Variants in FSTL5 observed in about 807,000 individuals in gnomAD.
FSTL5 encodes follistatin-related protein 5.
Under a neutral mutation model 89.1 loss-of-function variants are expected in FSTL5, and 62 were observed. The observed-to-expected ratio is 0.70, with a 90% confidence interval of 0.57 to 0.86. The LOEUF (loss-of-function observed/expected upper bound fraction) is 0.86. FSTL5 is among the 40% of genes least tolerant of loss of function. The pLI, the probability that FSTL5 is intolerant of heterozygous loss-of-function variation, is 0.00. For synonymous variants in FSTL5, 383 were observed against 346.2 expected (o/e 1.11, Z -1.18); for missense variants, 1,057 against 1,001.6 (o/e 1.06, Z -0.75).
chr4:161,671,618 A>T (rs1445134826), intron 6 of FSTL5, among the ~76,000 whole-genome samples: 2 of 152,160 alleles, frequency 1.3e-5, no homozygotes, highest in African/African-American at 2.4e-5. Flanking sequence ...TAAACCTAAG[A>T]TAATTAGAGA....
intron 4 of FSTL5, among the ~76,000 whole-genome samples, chr4:161,793,631 T>C (rs1199414729): frequency 1.3e-5 from 2 of 150,390 alleles, no homozygotes; most frequent in Non-Finnish European, 3.0e-5. Context: ...TTTTCTGAGA[T>C]GGAGTCTCAC....
At position 161,557,050 on chromosome 4, in the gene FSTL5, C is replaced by T. The variant is rs114587948; in HGVS notation, c.1016-14357G>A. On this transcript the variant is annotated intron_variant, in intron 8 of 15. Transcript: ENST00000306100. ...TGTACTTGGAAGTTCTCATGTAATA[C>T]TGAGCTACAAAATTAATTTGATAAA... Among the ~76,000 whole-genome samples the T allele has an allele frequency of 5.5e-3, 839 of 151,288 alleles. 10 individuals are homozygous for T. The highest frequency in any genetic ancestry group is 0.019 in the African/African-American group (805 of 41,436).
intron 3 of FSTL5, among the ~76,000 whole-genome samples, chr4:161,926,448 A>G (rs1734129208): frequency 6.7e-6 from 1 of 150,266 alleles, no homozygotes; most frequent in Non-Finnish European, 1.5e-5. Flanking sequence ...TATGAAAATA[A>G]TAAGTAGAAA....
chr4:161,506,326 G>GC (rs35436108), intron 11 of FSTL5, among the ~76,000 whole-genome samples: 41,723 of 151,698 alleles, frequency 0.28, 6,738 homozygotes, highest in South Asian at 0.43. Context: ...TCCCTCTTCG[G>GC]CCCCCCAAAT....
At chr4:161,696,060 A>T (rs148462124) in intron 6 of FSTL5, among the ~76,000 whole-genome samples, 46 of 152,204 alleles carry the variant, frequency 3.0e-4, no homozygotes, top group African/African-American at 9.6e-4. Flanking sequence ...GGGTTTTTCC[A>T]ATGTTATCTT....
chr4:161,524,760 C>G (rs1578898211), intron 10 of FSTL5, among the ~76,000 whole-genome samples: 1 of 152,008 alleles, frequency 6.6e-6, no homozygotes, highest in East Asian at 1.9e-4. Context: ...GAGATCGAGA[C>G]CATCCTGGCT....
At chr4:161,633,295 TTA>T (rs1450633451) in intron 7 of FSTL5, among the ~76,000 whole-genome samples, 12 of 107,550 alleles carry the variant, frequency 1.1e-4, no homozygotes, top group Non-Finnish European at 2.2e-4. Context: ...ATTCTTTTTA[TTA>T]TTATTATTAT....
intron 4 of FSTL5, among the ~76,000 whole-genome samples, chr4:161,779,811 GTATATATATATATA>G (rs1203119725): frequency 4.9e-5 from 2 of 40,432 alleles, no homozygotes; most frequent in African/African-American, 9.6e-5. Context: ...ATATATATAT[GTATATATATATATA>G]TATATATATA....
At chr4:161,494,886 C>A (rs1730009768) in intron 12 of FSTL5, among the ~76,000 whole-genome samples, 1 of 151,876 alleles carries the variant, frequency 6.6e-6, no homozygotes. Context: ...CTTGCGAGGC[C>A]CTGTCTCTAC....
intron 3 of FSTL5, among the ~76,000 whole-genome samples, chr4:161,976,243 A>G (rs1202052332): frequency 1.3e-5 from 2 of 151,986 alleles, no homozygotes; most frequent in Admixed American, 1.3e-4. Context: ...GATTACAGAG[A>G]TGGGGAATTA....
intron 6 of FSTL5, among the ~76,000 whole-genome samples, chr4:161,691,294 A>G (rs1477572168): frequency 1.3e-5 from 2 of 152,080 alleles, no homozygotes; most frequent in Non-Finnish European, 1.5e-5. Context: ...TATTGAGACC[A>G]TTATTTCTCT....
At chr4:161,397,614 A>G (rs1043173781) in intron 15 of FSTL5, among the ~76,000 whole-genome samples, 1 of 150,150 alleles carries the variant, frequency 6.7e-6, no homozygotes, top group African/African-American at 2.4e-5. Flanking sequence ...TATTAATAGT[A>G]TTATAATGCT....
intron 2 of FSTL5, among the ~76,000 whole-genome samples, chr4:162,107,340 C>T (rs751001089): frequency 6.6e-6 from 1 of 152,064 alleles, no homozygotes; most frequent in Non-Finnish European, 1.5e-5. Context: ...ATAAAGTAAC[C>T]TAATGTATGG....
intron 6 of FSTL5, among the ~76,000 whole-genome samples, chr4:161,714,753 G>C (rs1007802601): frequency 6.6e-6 from 1 of 152,118 alleles, no homozygotes; most frequent in Non-Finnish European, 1.5e-5. Flanking sequence ...TGCTCAGAAA[G>C]AAATAAACTT....
At chr4:161,618,347 C>A (rs1408086137) in intron 7 of FSTL5, among the ~76,000 whole-genome samples, 2 of 134,468 alleles carry the variant, frequency 1.5e-5, no homozygotes, top group East Asian at 2.1e-4. Flanking sequence ...CTGGCCAGAA[C>A]TTCCAACACT....
intron 15 of FSTL5, among the ~76,000 whole-genome samples, chr4:161,424,914 T>G (rs1404107605): frequency 6.6e-6 from 1 of 152,210 alleles, no homozygotes; most frequent in Non-Finnish European, 1.5e-5. Context: ...AAAAGCAAAC[T>G]CAAATAACTG....
At chr4:161,939,800 TATTAGTATAGGATGTAGCTCC>T (rs1734528885) in intron 3 of FSTL5, among the ~76,000 whole-genome samples, 1 of 151,920 alleles carries the variant, frequency 6.6e-6, no homozygotes, top group African/African-American at 2.4e-5. Flanking sequence ...TTATCAGTGA[TATTAGTATAGGATGTAGCTCC>T]ATGAGCCTAT....
chr4:161,939,984 A>C (rs1456520948), intron 3 of FSTL5, among the ~76,000 whole-genome samples: 1 of 151,896 alleles, frequency 6.6e-6, no homozygotes, highest in African/African-American at 2.4e-5. Flanking sequence ...CTACATTTTT[A>C]CTTACCTTAG....
intron 7 of FSTL5, among the ~76,000 whole-genome samples, chr4:161,655,637 GAAGT>G (rs974948190): frequency 1.5e-4 from 23 of 152,160 alleles, no homozygotes; most frequent in African/African-American, 4.3e-4. Context: ...ATATCTATTA[GAAGT>G]AAGTCTAATT....
Sources: gnomAD v4.1 joint callset for allele counts (sites outside exome capture counted in the v4.1 genomes callset) on GRCh38, gnomAD v4.1.1 for gene constraint, MANE v1.5 for transcripts, NCBI Gene and HGNC (gene_info 2026-07-23, HGNC 2026-07-21) for gene names.